TCERG1L: variants seen among roughly 807,000 people sequenced by gnomAD.
TCERG1L encodes transcription elongation regulator 1 like.
Under a neutral mutation model 56.3 loss-of-function variants are expected in TCERG1L, and 37 were observed. The observed-to-expected ratio is 0.66, with a 90% CI of 0.51 to 0.87. The LOEUF (loss-of-function observed/expected upper bound fraction) is 0.87, where lower values mean the gene tolerates loss of function less well. TCERG1L is among the 40% of genes least tolerant of loss of function. The pLI is 0.00. For missense variants in TCERG1L, 799 were observed against 774.2 expected, an observed-to-expected ratio of 1.03 and a Z score of -0.38; for synonymous variants, 324 against 326.3, an observed-to-expected ratio of 0.99 and a Z score of 0.08.
At chr10:131,289,361 G>T (rs908609734) in intron 3 of TCERG1L, among the ~76,000 whole-genome samples, 1 of 152,020 alleles carries the variant, frequency 6.6e-6, no homozygotes, top group Non-Finnish European at 1.5e-5. Context: ...CATTAAATAC[G>T]AAAAATAAAA....
rs181116263 is a variant in TCERG1L at position 131,260,665 on chromosome 10, G to C, written c.671-221C>G. Among the ~76,000 whole-genome samples, 44 of 152,288 alleles carry C rather than the reference G, an allele frequency of 2.9e-4. No individual in the cohort carries two copies. Among genetic ancestry groups the C allele is most frequent in the African/African-American group, 9.6e-4 (40 of 41,562 alleles). ...CTGCCATGCAACCAGTGCACACACA[G>C]AGCCGTGTGATGCCCAGTGAGCTGC... On this transcript the variant is annotated intron_variant, in intron 3 of 11. Transcript: ENST00000368642. The surrounding 1 kb of genome is among the most constrained non-coding windows in gnomAD (Gnocchi z 5.8).
At chr10:131,280,986 C>T (rs1846445902) in intron 3 of TCERG1L, among the ~76,000 whole-genome samples, 1 of 152,198 alleles carries the variant, frequency 6.6e-6, no homozygotes, top group African/African-American at 2.4e-5. Flanking sequence ...CATCATTTGA[C>T]CTTTTAGAGT....
chr10:131,171,314 G>A (rs72847793), intron 4 of TCERG1L, among the ~76,000 whole-genome samples: 27,217 of 152,120 alleles, frequency 0.18, 3,107 homozygotes, highest in Middle Eastern at 0.27. Context: ...GAAGGGGGAG[G>A]TGGGTTTGCT....
chr10:131,104,968 C>T (rs2133382319), intron 9 of TCERG1L, among the ~76,000 whole-genome samples: 1 of 152,334 alleles, frequency 6.6e-6, no homozygotes, highest in East Asian at 1.9e-4. Context: ...TGCATTTATT[C>T]AGATTTCTTT....
chr10:131,200,506 A>G (rs576363365), intron 4 of TCERG1L, among the ~76,000 whole-genome samples: 2 of 152,266 alleles, frequency 1.3e-5, no homozygotes, highest in South Asian at 2.1e-4. Flanking sequence ...CTTCTTGCCT[A>G]TGTCTCCTTT....
chr10:131,299,228 G>GT (rs1384446743), intron 3 of TCERG1L, among the ~76,000 whole-genome samples: 2 of 152,000 alleles, frequency 1.3e-5, no homozygotes, highest in African/African-American at 2.4e-5. Context: ...TAAAAAGTGA[G>GT]TTTTTTATAG....
chr10:131,120,128 G>A (rs145979041), intron 8 of TCERG1L, among the ~76,000 whole-genome samples: 1 of 152,252 alleles, frequency 6.6e-6, no homozygotes, highest in Non-Finnish European at 1.5e-5. Flanking sequence ...CAGCCTCTGA[G>A]CTTGCCAATC....
chr10:131,158,949 C>T (rs957313078), intron 6 of TCERG1L, among the ~76,000 whole-genome samples: 8 of 152,228 alleles, frequency 5.3e-5, no homozygotes, highest in East Asian at 1.9e-4. Context: ...TGGCAGTGCC[C>T]GTGGGGTCCC....
Position 131,146,506 on chromosome 10 carries a change from T to A in TCERG1L, c.1189A>T (p.Thr397Ser), listed in dbSNP as rs114685046. 2 of 1,607,934 alleles carry A rather than the reference T, an allele frequency of 1.2e-6. No individual in the cohort carries two copies. Among genetic ancestry groups the A allele is most frequent in the East Asian group, 2.2e-5 (1 of 44,766 alleles). Residue 397 changes from threonine (T) to serine (S), a missense_variant and splice_region_variant, in exon 7 of 12, where the codon ACT becomes TCT. By Grantham distance (58) the Thr-to-Ser change is moderately conservative. Coordinates refer to ENST00000368642, the MANE Select transcript of TCERG1L (RefSeq NM_174937.4). ...PHKRKLEAPA[T>S]DNSDGSSSED... ...TGTAAATAACCCAGGGCTTAGTTAC[T>A]TGCTGGTGCCTCCAGCTTGCGTTTG...
intron 3 of TCERG1L, among the ~76,000 whole-genome samples, chr10:131,305,068 AG>A (rs1242553722): frequency 5.9e-5 from 9 of 152,100 alleles, no homozygotes; most frequent in Non-Finnish European, 1.0e-4. Flanking sequence ...TCCTGCCTCA[AG>A]GTGGCATCGG....
At chr10:131,186,359 T>C (rs1297720452) in intron 4 of TCERG1L, among the ~76,000 whole-genome samples, 1 of 152,184 alleles carries the variant, frequency 6.6e-6, no homozygotes, top group South Asian at 2.1e-4. Context: ...ACCTATGGTA[T>C]GTGAATTTCA....
chr10:131,116,040 C>A (rs1026947849), intron 9 of TCERG1L, among the ~76,000 whole-genome samples: 1 of 152,182 alleles, frequency 6.6e-6, no homozygotes, highest in Non-Finnish European at 1.5e-5. Context: ...TATAAACATC[C>A]TCACACGTGG....
intron 3 of TCERG1L, among the ~76,000 whole-genome samples, chr10:131,287,691 C>T (rs1422832369): frequency 1.3e-5 from 2 of 152,166 alleles, no homozygotes; most frequent in Non-Finnish European, 2.9e-5. Context: ...CAGGGAGCAT[C>T]TATGGGAACG....
intron 11 of TCERG1L, among the ~76,000 whole-genome samples, chr10:131,097,197 T>G (rs1845257298): frequency 2.3e-5 from 2 of 86,362 alleles, no homozygotes; most frequent in South Asian, 4.3e-4. Context: ...CGAGGGTCTG[T>G]CTCAAAAAAA....
chr10:131,257,527 T>C (rs767672509), intron 4 of TCERG1L, among the ~76,000 whole-genome samples: 1 of 152,164 alleles, frequency 6.6e-6, no homozygotes, highest in Non-Finnish European at 1.5e-5. Flanking sequence ...CCACATTAAC[T>C]CTCCCAGATG....
intron 4 of TCERG1L, among the ~76,000 whole-genome samples, chr10:131,207,234 A>G (rs1370021441): frequency 6.7e-6 from 1 of 148,882 alleles, no homozygotes; most frequent in African/African-American, 2.5e-5. Flanking sequence ...GTGATTCCAT[A>G]TCTCCAAAGG....
chr10:131,102,284 G>A (rs766667604), intron 10 of TCERG1L, among the ~76,000 whole-genome samples: 6 of 152,118 alleles, frequency 3.9e-5, no homozygotes, highest in Admixed American at 6.5e-5. Flanking sequence ...CCGGGAACAC[G>A]TCACACTGCC....
Position 131,309,145 on chromosome 10 carries a change from G to GT in TCERG1L, c.489+7dup, listed in dbSNP as rs778817435. ...CCCCTTATCCAATTAAATCACTTGC[G>GT]TTTTTACCTTACAGTTAGGAATCCT... On this transcript the variant is annotated splice_region_variant and intron_variant, in intron 2 of 11. Coordinates refer to ENST00000368642, the MANE Select transcript of TCERG1L (RefSeq NM_174937.4). 18 of 1,607,110 alleles carry GT rather than the reference G, an allele frequency of 1.1e-5. No individual in the cohort carries two copies. The highest frequency in any genetic ancestry group is 1.4e-5 in the Non-Finnish European group (17 of 1,177,668).
intron 4 of TCERG1L, among the ~76,000 whole-genome samples, chr10:131,188,888 T>G (rs1027384173): frequency 6.6e-6 from 1 of 152,236 alleles, no homozygotes; most frequent in Admixed American, 6.5e-5. Flanking sequence ...GTTTCCTTAG[T>G]TATTTTACGC....
Sources: gnomAD v4.1 joint callset for allele counts (sites outside exome capture counted in the v4.1 genomes callset) on GRCh38, gnomAD v4.1.1 for gene constraint, Gnocchi (gnomAD v3.1) non-coding constraint, MANE v1.5 for transcripts, NCBI Gene and HGNC (gene_info 2026-07-23, HGNC 2026-07-21) for gene names.